The following FGF14 variants were observed in gnomAD, a reference collection of about 807,000 sequenced individuals.
FGF14 encodes the protein fibroblast growth factor 14.
Under a neutral mutation model 25.5 loss-of-function variants are expected in FGF14, and 5 were observed. The ratio of observed to expected loss-of-function variants is 0.20; its 90% CI spans 0.10 to 0.41. The LOEUF (loss-of-function observed/expected upper bound fraction) is 0.41, where lower values mean the gene tolerates loss of function less well. Among genes scored for constraint, FGF14 ranks in the 10% least tolerant of loss-of-function variants. The pLI is 1.00. For synonymous variants in FGF14, 138 were observed against 118.3 expected, an observed-to-expected ratio of 1.17 and a Z score of -1.08; for missense variants, 222 against 320.1, an observed-to-expected ratio of 0.69 and a Z score of 2.34.
intron 1 of FGF14, among the ~76,000 whole-genome samples, chr13:102,169,341 G>A (rs955343467): frequency 6.6e-6 from 1 of 151,916 alleles, no homozygotes; most frequent in Admixed American, 6.6e-5. Flanking sequence ...GTTATCCCCC[G>A]TGGTTCCCTA....
chr13:102,040,939 A>T (rs868307537), intron 1 of FGF14, among the ~76,000 whole-genome samples: 1 of 152,084 alleles, frequency 6.6e-6, no homozygotes, highest in Non-Finnish European at 1.5e-5. Flanking sequence ...GTAGTAAAAA[A>T]TCGCTTACCT....
At chr13:102,126,777 C>G (rs1373500644) in intron 1 of FGF14, among the ~76,000 whole-genome samples, 2 of 152,104 alleles carry the variant, frequency 1.3e-5, no homozygotes, top group African/African-American at 4.8e-5. Context: ...TCTAATTTTT[C>G]TCAATGATTC....
At chr13:101,929,036 A>G (rs1199676636) in intron 1 of FGF14, among the ~76,000 whole-genome samples, 6 of 152,234 alleles carry the variant, frequency 3.9e-5, no homozygotes, top group Non-Finnish European at 7.3e-5. Flanking sequence ...ATCAACCTTT[A>G]TTTATCATCA....
At chr13:101,964,366 C>G (rs150913787) in intron 1 of FGF14, among the ~76,000 whole-genome samples, 145 of 152,218 alleles carry the variant, frequency 9.5e-4, no homozygotes, top group Non-Finnish European at 1.5e-3. Flanking sequence ...CAAACAGGTT[C>G]CTAAGGATGA....
rs117526844 is a variant in FGF14 at position 101,798,339 on chromosome 13, T to G, written c.408+70386A>C. Among the ~76,000 whole-genome samples the G allele has an allele frequency of 1.2e-3, 182 of 152,224 alleles. 2 individuals carry two copies. The East Asian group carries it at 0.026, about 21-fold the overall frequency. On this transcript the variant is annotated intron_variant, in intron 3 of 4. Transcript: ENST00000376143. ...AGGAGGTAAGAATTTGTTTTCTAAT[T>G]AATGATGTGTGTCCTAGAAAACTGG...
At chr13:101,940,484 A>G (rs1456465996) in intron 1 of FGF14, among the ~76,000 whole-genome samples, 1 of 152,216 alleles carries the variant, frequency 6.6e-6, no homozygotes, top group East Asian at 1.9e-4. Flanking sequence ...AAACATGAAA[A>G]GCTTGTGCTC....
intron 1 of FGF14, among the ~76,000 whole-genome samples, chr13:102,304,495 T>A (rs1422649985): frequency 2.6e-5 from 4 of 152,156 alleles, no homozygotes; most frequent in Admixed American, 2.6e-4. Flanking sequence ...CAGATAGGCT[T>A]AAGAAGTAAG....
chr13:101,959,657 A>G (rs1272313138), intron 1 of FGF14, among the ~76,000 whole-genome samples: 1 of 152,196 alleles, frequency 6.6e-6, no homozygotes, highest in East Asian at 1.9e-4. Context: ...TAAATTCCAC[A>G]AGCAAATTTC....
At chr13:102,051,875 AC>A (rs1350438217) in intron 1 of FGF14, among the ~76,000 whole-genome samples, 1 of 152,160 alleles carries the variant, frequency 6.6e-6, no homozygotes, top group East Asian at 1.9e-4. Flanking sequence ...GAGACATAAC[AC>A]CACCAAAAGA....
chr13:101,930,605 G>T (rs1455954627), intron 1 of FGF14, among the ~76,000 whole-genome samples: 1 of 152,036 alleles, frequency 6.6e-6, no homozygotes, highest in Non-Finnish European at 1.5e-5. Flanking sequence ...TTGGCTACTT[G>T]GTATGAACAG....
At chr13:102,156,770 T>C (rs2047362597) in intron 1 of FGF14, among the ~76,000 whole-genome samples, 1 of 152,270 alleles carries the variant, frequency 6.6e-6, no homozygotes, top group South Asian at 2.1e-4. Context: ...CCCCATTGTC[T>C]CAGCCCAAAA....
intron 3 of FGF14, among the ~76,000 whole-genome samples, chr13:101,815,148 T>C (rs1366921102): frequency 1.3e-5 from 2 of 152,200 alleles, no homozygotes; most frequent in East Asian, 3.8e-4. Context: ...GATACTGATA[T>C]CTGAGCTGGT....
At chr13:101,858,023 T>A (rs948269234) in intron 3 of FGF14, among the ~76,000 whole-genome samples, 3 of 151,976 alleles carry the variant, frequency 2.0e-5, no homozygotes, top group African/African-American at 2.4e-5. Flanking sequence ...AAAAAAGTTG[T>A]TTTACATATT....
chr13:102,384,220 T>G (rs2139191579), intron 1 of FGF14, among the ~76,000 whole-genome samples: 1 of 152,290 alleles, frequency 6.6e-6, no homozygotes, highest in South Asian at 2.1e-4. Flanking sequence ...GCATTAGACA[T>G]GAGAATATTA....
intron 1 of FGF14, among the ~76,000 whole-genome samples, chr13:102,285,315 A>T (rs1021904441): frequency 6.6e-6 from 1 of 152,168 alleles, no homozygotes; most frequent in African/African-American, 2.4e-5. Context: ...TGTTATATAA[A>T]TGTATTTCTG....
chr13:101,878,323 C>G (rs1169394931), intron 1 of FGF14, among the ~76,000 whole-genome samples: 4 of 152,176 alleles, frequency 2.6e-5, no homozygotes, highest in Non-Finnish European at 4.4e-5. Flanking sequence ...TTCCTCCTCC[C>G]CACTCTGGTT....
chr13:102,214,660 T>A (rs1002107908), intron 1 of FGF14, among the ~76,000 whole-genome samples: 1 of 152,214 alleles, frequency 6.6e-6, no homozygotes, highest in Non-Finnish European at 1.5e-5. Context: ...GTTGTTAAGT[T>A]CATTATGTAT....
intron 1 of FGF14, among the ~76,000 whole-genome samples, chr13:102,090,766 T>C (rs138222880): frequency 7.6e-4 from 116 of 152,336 alleles, no homozygotes; most frequent in African/African-American, 2.7e-3. Flanking sequence ...GATCAGTGTA[T>C]GCCAACGGCG....
intron 3 of FGF14, among the ~76,000 whole-genome samples, chr13:101,855,984 C>T (rs547194676): frequency 2.6e-5 from 4 of 151,024 alleles, no homozygotes; most frequent in African/African-American, 9.7e-5. Context: ...CCTTCTTGTA[C>T]AATGTAATTT....
Sources: allele counts gnomAD v4.1 joint callset (sites outside exome capture counted in the v4.1 genomes callset), GRCh38; gene constraint gnomAD v4.1.1; transcripts MANE v1.5; gene names NCBI Gene and HGNC (gene_info 2026-07-23, HGNC 2026-07-21).